The following VPS13C variants were observed in gnomAD, a reference collection of about 807,000 sequenced individuals.
The protein encoded by VPS13C is intermembrane lipid transfer protein VPS13C.
Under a neutral mutation model 456.8 loss-of-function variants are expected in VPS13C, and 358 were observed. That is an observed-to-expected ratio of 0.78 (90% CI 0.72 to 0.86). The LOEUF (loss-of-function observed/expected upper bound fraction) is 0.86, where lower values mean the gene tolerates loss of function less well. VPS13C is among the 40% of genes least tolerant of loss of function. The probability of loss-of-function intolerance (pLI) is 0.00; values close to 1 mark genes in which losing one functional copy is unlikely to be tolerated. For missense variants in VPS13C, 4,818 were observed against 4,385.4 expected, an observed-to-expected ratio of 1.10 and a Z score of -2.79; for synonymous variants, 1,578 against 1,486.7, an observed-to-expected ratio of 1.06 and a Z score of -1.41.
At chr15:61,855,792 G>T (rs1462771583) in intron 83 of VPS13C, among the ~76,000 whole-genome samples, 1 of 151,984 alleles carries the variant, frequency 6.6e-6, no homozygotes, top group East Asian at 1.9e-4. Flanking sequence ...TTCAAAGAAA[G>T]TTAAGTACTT....
At chr15:61,915,239 G>A (rs2043432380) in intron 61 of VPS13C, among the ~76,000 whole-genome samples, 1 of 152,166 alleles carries the variant, frequency 6.6e-6, no homozygotes, top group Admixed American at 6.5e-5. Context: ...TAGGCATTAG[G>A]TTTCTCTCCC....
rs779622761 is a variant in VPS13C at position 61,875,837 on chromosome 15, T to C, written c.10233A>G (p.Lys3411=). ...VVRHYSEQFL[K]QMYVLVLGLD... is the part of the protein sequence containing the mutation. ...ACCCCAATACAAGGACATACATCTG[T>C]TTCAAGAACTAAAAAAGAAAAAAAA... Residue 3411 remains lysine, a synonymous_variant, in exon 76 of 85, where the codon AAA becomes AAG. Transcript: ENST00000644861. The C allele has an allele frequency of 3.2e-6, 5 of 1,574,396 alleles. No individual in the cohort carries two copies. Among genetic ancestry groups the C allele is most frequent in the Admixed American group, 2.1e-5 (1 of 48,730 alleles).
chr15:61,962,360 A>C lies in VPS13C; in HGVS notation c.3603+11T>G. ...AAAGTTGAAAAATCAATATACAAAT[A>C]ATTATTTTACCAGAAGTGACATAAG... On this transcript the variant is annotated intron_variant, in intron 34 of 84. Coordinates refer to ENST00000644861, the MANE Select transcript of VPS13C (RefSeq NM_020821.3). The C allele has an allele frequency of 6.4e-7, 1 of 1,568,520 alleles. No individual in the cohort carries two copies.
intron 6 of VPS13C, among the ~76,000 whole-genome samples, chr15:62,026,964 T>A (rs905135100): frequency 6.6e-6 from 1 of 152,094 alleles, no homozygotes; most frequent in African/African-American, 2.4e-5. Context: ...CTATTGCTTT[T>A]GCACCAGCAA....
Position 61,867,458 on chromosome 15 carries a change from T to C in VPS13C, c.10863+1201A>G, listed in dbSNP as rs1373700829. ...TTATTAAAGCAGATGCTCCAGGTAA[T>C]AGTCCCGTAACTTAAGCAAATTTAG... On this transcript the variant is annotated intron_variant, in intron 81 of 84. Coordinates refer to ENST00000644861, the MANE Select transcript of VPS13C (RefSeq NM_020821.3). This position sits in a 1 kb window ranked among gnomAD's most constrained non-coding sequence, Gnocchi z 5.0. 3 of 988,038 alleles carry C rather than the reference T, an allele frequency of 3.0e-6. No homozygotes were observed. The highest frequency in any genetic ancestry group is 3.5e-5 in the African/African-American group (2 of 57,220). 61.2% of individuals were successfully genotyped at this position (988,038 alleles called of 1,614,324 possible).
intron 22 of VPS13C, among the ~76,000 whole-genome samples, chr15:61,980,054 C>A (rs1019773027): frequency 6.6e-6 from 1 of 151,144 alleles, no homozygotes; most frequent in Admixed American, 6.6e-5. Flanking sequence ...TGTGGGGGTG[C>A]GTGCCTGTAA....
intron 32 of VPS13C, among the ~76,000 whole-genome samples, chr15:61,963,280 A>T (rs2045272315): frequency 6.6e-6 from 1 of 152,060 alleles, no homozygotes; most frequent in Non-Finnish European, 1.5e-5. Flanking sequence ...AACATATTCA[A>T]CATATTCTTG....
intron 4 of VPS13C, among the ~76,000 whole-genome samples, chr15:62,033,839 A>G (rs1000532575): frequency 6.6e-6 from 1 of 151,660 alleles, no homozygotes; most frequent in Non-Finnish European, 1.5e-5. Flanking sequence ...GAAGGAAGAC[A>G]GCAAGTACAC....
At chr15:61,931,012 T>C (rs1366278081) in intron 50 of VPS13C, 78 bp downstream of exon 50, 3 of 1,536,596 alleles carry the variant, frequency 2.0e-6, no homozygotes, top group East Asian at 4.5e-5. Context: ...GGATGATCCC[T>C]AGCCTAGCAA....
chr15:61,990,928 A>C, intron 18 of VPS13C, 72 bp downstream of exon 18: 1 of 996,232 alleles, frequency 1.0e-6, no homozygotes. Flanking sequence ...TAAAAAAATC[A>C]GTAAGTCTAA....
rs1894026554 is a variant in VPS13C, at chr15:61,858,236, G to T, written c.10953-1827C>A. Reference sequence around the variant, plus strand: ...TTCCTCTTGCACCATGTTTACCAGGGTTCAAATCTTGGTCTTCTACTCACA... The same window carrying T: ...TTCCTCTTGCACCATGTTTACCAGGTTTCAAATCTTGGTCTTCTACTCACA... On this transcript the variant is annotated intron_variant, in intron 82 of 84. Coordinates refer to ENST00000644861, the MANE Select transcript of VPS13C (RefSeq NM_020821.3). This position sits in a 1 kb window ranked among gnomAD's most constrained non-coding sequence, Gnocchi z 4.4. 2.0e-5 allele frequency among the ~76,000 whole-genome samples: 3 copies of T among 151,786 alleles called. No homozygotes were observed. The South Asian group carries it at 6.3e-4, about 32-fold the overall frequency.
chr15:61,970,478 A>G (rs545147562), intron 27 of VPS13C, among the ~76,000 whole-genome samples: 1 of 152,234 alleles, frequency 6.6e-6, no homozygotes, highest in South Asian at 2.1e-4. Flanking sequence ...TTATAATTAC[A>G]TACTTAGGTA....
chr15:61,864,146 C>T (rs1002783544), intron 81 of VPS13C: 8 of 218,508 alleles, frequency 3.7e-5, no homozygotes, highest in Admixed American at 2.6e-4. Flanking sequence ...TGATCTTATA[C>T]GTTAAACATG....
chr15:62,016,318 A>C (rs2047245996), intron 9 of VPS13C, among the ~76,000 whole-genome samples: 2 of 151,926 alleles, frequency 1.3e-5, no homozygotes, highest in Admixed American at 1.3e-4. Context: ...CATGTGCACA[A>C]CGTGCAGATT....
At position 61,961,394 on chromosome 15, in the gene VPS13C, A is replaced by AACACACAC. The variant is rs66786972; in HGVS notation, c.3908+187_3908+194dup. 7.5e-4 allele frequency among the ~76,000 whole-genome samples: 100 copies of AACACACAC among 132,702 alleles called. No individual in the cohort carries two copies. In the East Asian group the frequency reaches 9.5e-3, roughly 13 times the overall value. The allele number at this position is 132,702 out of a possible 152,430, so 87.1% of individuals were successfully genotyped here. ...GTGACAGACCAAGACTCCAACTCAAAACACACACACACACACACACACACA... is the reference window on the plus strand; with the variant it reads ...GTGACAGACCAAGACTCCAACTCAAAACACACACACACACACACACACACACACACACA... On this transcript the variant is annotated intron_variant, in intron 35 of 84. Transcript: ENST00000644861.
At chr15:62,016,540 C>T (rs1268830502) in intron 9 of VPS13C, among the ~76,000 whole-genome samples, 8 of 150,644 alleles carry the variant, frequency 5.3e-5, no homozygotes, top group Admixed American at 1.3e-4. Flanking sequence ...TTTGTCCTTG[C>T]AATAGTTTGC....
chr15:61,869,433 AT>A, intron 80 of VPS13C, 66 bp downstream of exon 80: 1 of 1,560,116 alleles, frequency 6.4e-7, no homozygotes, highest in South Asian at 1.2e-5. Flanking sequence ...AATCTAATCT[AT>A]TTATGTATTC....
At chr15:62,027,016 T>G (rs1409583135) in intron 6 of VPS13C, among the ~76,000 whole-genome samples, 1 of 152,040 alleles carries the variant, frequency 6.6e-6, no homozygotes, top group Non-Finnish European at 1.5e-5. Context: ...ATGCTTAGTA[T>G]TATTATGAAA....
chr15:61,889,095 C>T (rs941418301), intron 67 of VPS13C, among the ~76,000 whole-genome samples: 8 of 151,980 alleles, frequency 5.3e-5, no homozygotes, highest in Middle Eastern at 3.4e-3. Context: ...TGTACCATGT[C>T]ATAAAAAAGG....
Sources: allele counts gnomAD v4.1 joint callset (sites outside exome capture counted in the v4.1 genomes callset), GRCh38; gene constraint gnomAD v4.1.1; non-coding constraint Gnocchi (gnomAD v3.1); transcripts MANE v1.5; gene names NCBI Gene and HGNC (gene_info 2026-07-23, HGNC 2026-07-21).